The following KHDRBS2 variants were observed in gnomAD, a reference collection of about 807,000 sequenced individuals.
KHDRBS2 encodes the protein KH RNA binding domain containing, signal transduction associated 2, also known as KH domain-containing, RNA-binding, signal transduction-associated protein 2.
KHDRBS2 carries 26 observed loss-of-function variants against 44.3 expected under a neutral mutation model. The observed-to-expected ratio is 0.59, with a 90% CI of 0.43 to 0.81. The LOEUF (loss-of-function observed/expected upper bound fraction) is 0.81, where lower values mean the gene tolerates loss of function less well. Among genes scored for constraint, KHDRBS2 ranks in the 40% least tolerant of loss-of-function variants. The probability of loss-of-function intolerance (pLI) is 0.00; values close to 1 mark genes in which losing one functional copy is unlikely to be tolerated. For synonymous variants in KHDRBS2, 194 were observed against 151.1 expected (o/e 1.28, Z -2.08); for missense variants, 476 against 433.1 (o/e 1.10, Z -0.88).
At chr6:62,173,259 T>C (rs1406556871) in intron 2 of KHDRBS2, among the ~76,000 whole-genome samples, 1 of 151,212 alleles carries the variant, frequency 6.6e-6, no homozygotes, top group Non-Finnish European at 1.5e-5. Context: ...GTTACCACTT[T>C]AGGGATCCCA....
At chr6:61,828,972 G>T (rs1791359361) in intron 6 of KHDRBS2, among the ~76,000 whole-genome samples, 1 of 152,146 alleles carries the variant, frequency 6.6e-6, no homozygotes, top group East Asian at 1.9e-4. Context: ...ATTTACTCTG[G>T]AAACCACTAA....
intron 6 of KHDRBS2, among the ~76,000 whole-genome samples, chr6:61,751,310 AT>A (rs1395995876): frequency 6.6e-6 from 1 of 152,178 alleles, no homozygotes; most frequent in Non-Finnish European, 1.5e-5. Context: ...ATATCTTCAC[AT>A]TTGTAATCAT....
chr6:61,811,131 C>A (rs1323012175), intron 6 of KHDRBS2, among the ~76,000 whole-genome samples: 3 of 152,006 alleles, frequency 2.0e-5, no homozygotes, highest in South Asian at 4.2e-4. Flanking sequence ...TTGGAGTCTC[C>A]AATGTCTATT....
intron 6 of KHDRBS2, among the ~76,000 whole-genome samples, chr6:61,763,914 T>C (rs540928938): frequency 6.1e-4 from 93 of 152,280 alleles, no homozygotes; most frequent in Admixed American, 2.2e-3. Flanking sequence ...GCTGCACCTA[T>C]CAACACCCAT....
rs202180363 is a variant in KHDRBS2 at position 61,954,722 on chromosome 6, T to C, written c.483+23344A>G. ...CATATGTGTATATACACATGCATAC[T>C]TATGTATACATACATATGTGTATAT... On this transcript the variant is annotated intron_variant, in intron 4 of 8. Coordinates refer to ENST00000281156, the MANE Select transcript of KHDRBS2 (RefSeq NM_152688.4). Among the ~76,000 whole-genome samples, 272 of 75,574 alleles carry C rather than the reference T, an allele frequency of 3.6e-3. 88 individuals are homozygous for C. The highest frequency in any genetic ancestry group is 9.0e-3 in the African/African-American group (192 of 21,418). The allele number at this position is 75,574 out of a possible 152,430, so 49.6% of individuals were successfully genotyped here. A position where few individuals can be genotyped will look rare whatever the true frequency, so the allele number is the denominator to read the frequency against.
At chr6:61,752,812 T>G (rs942418967) in intron 6 of KHDRBS2, among the ~76,000 whole-genome samples, 11 of 151,734 alleles carry the variant, frequency 7.2e-5, no homozygotes, top group Admixed American at 5.3e-4. Context: ...ATAAATACTA[T>G]AGAAAAAATG....
intron 8 of KHDRBS2, 95 bp from the exon 9 acceptor site, chr6:61,681,155 A>G: frequency 3.6e-6 from 3 of 824,014 alleles, no homozygotes; most frequent in Non-Finnish European, 6.0e-6. Flanking sequence ...AAAAGAAAAC[A>G]AAAGATCTCA....
the KHDRBS2 span, chr6:61,658,980 G>A: frequency 1.1e-4 from 16 of 151,776 alleles, no homozygotes; most frequent in South Asian, 6.2e-4. Context: ...TTATACAGTC[G>A]TGGAACAAAT....
At chr6:62,027,856 G>A (rs74513351) in intron 3 of KHDRBS2, among the ~76,000 whole-genome samples, 1 of 152,062 alleles carries the variant, frequency 6.6e-6, no homozygotes, top group South Asian at 2.1e-4. Context: ...TGCTGTTCCT[G>A]AGATTTACCC....
the KHDRBS2 span, among the ~76,000 whole-genome samples, chr6:61,547,826 GCAT>G: frequency 1.3e-5 from 2 of 152,090 alleles, no homozygotes; most frequent in Non-Finnish European, 2.9e-5. Context: ...CATTTTATAT[GCAT>G]TCTTCTTCCC....
At chr6:62,052,578 G>A (rs959631090) in intron 2 of KHDRBS2, among the ~76,000 whole-genome samples, 28 of 118,132 alleles carry the variant, frequency 2.4e-4, no homozygotes, top group African/African-American at 7.7e-4. Context: ...GACCAGTTGC[G>A]TGGAAGACAA....
At chr6:61,794,647 G>T (rs1785063519) in intron 6 of KHDRBS2, among the ~76,000 whole-genome samples, 1 of 152,062 alleles carries the variant, frequency 6.6e-6, no homozygotes, top group Non-Finnish European at 1.5e-5. Flanking sequence ...TGGAAGCTCT[G>T]CAAATTAGGA....
At chr6:62,035,687 G>A (rs192106036) in intron 3 of KHDRBS2, among the ~76,000 whole-genome samples, 160 of 152,038 alleles carry the variant, frequency 1.1e-3, no homozygotes, top group East Asian at 4.9e-3. Flanking sequence ...TGCCTTAGGC[G>A]ATGGATACCC....
At position 61,818,266 on chromosome 6, in the gene KHDRBS2, T is replaced by TAAAAAAAAAAAAAA. The variant is rs60399147; in HGVS notation, c.810+76355_810+76368dup. 1.1e-3 allele frequency among the ~76,000 whole-genome samples: 128 copies of TAAAAAAAAAAAAAA among 114,392 alleles called. 2 individuals carry two copies. Among genetic ancestry groups the TAAAAAAAAAAAAAA allele is most frequent in the African/African-American group, 3.8e-3 (120 of 31,818 alleles). 75.0% of individuals were successfully genotyped at this position (114,392 alleles called of 152,430 possible). ...ATTGGGCAGAGAAAACCTCTGTAAG[T>TAAAAAAAAAAAAAA]AAAAAAAAAAAAAAAAAGGATAGTA... is the stretch of plus-strand genomic sequence containing the variant. On this transcript the variant is annotated intron_variant, in intron 6 of 8. Transcript: ENST00000281156.
chr6:61,577,021 C>G, the KHDRBS2 span, among the ~76,000 whole-genome samples: 1 of 152,122 alleles, frequency 6.6e-6, no homozygotes, highest in Admixed American at 6.5e-5. Flanking sequence ...TAAGTCCAGT[C>G]TCTTTTACTG....
the KHDRBS2 span, among the ~76,000 whole-genome samples, chr6:61,545,165 G>T: frequency 6.6e-6 from 1 of 152,034 alleles, no homozygotes; most frequent in African/African-American, 2.4e-5. Context: ...GATAATTGGG[G>T]CTGGGCATGG....
intron 4 of KHDRBS2, among the ~76,000 whole-genome samples, chr6:61,946,295 A>T (rs796285695): frequency 6.6e-6 from 1 of 152,228 alleles, no homozygotes. Context: ...AAAGAATAGC[A>T]TGTATTTAAC....
chr6:62,274,891 C>T (rs1840666963), intron 1 of KHDRBS2, among the ~76,000 whole-genome samples: 2 of 151,982 alleles, frequency 1.3e-5, no homozygotes, highest in Admixed American at 1.3e-4. Flanking sequence ...CTCTTTGATT[C>T]CCAATTAACG....
At chr6:62,141,656 G>A (rs1211467243) in intron 2 of KHDRBS2, among the ~76,000 whole-genome samples, 5 of 151,806 alleles carry the variant, frequency 3.3e-5, no homozygotes, top group African/African-American at 7.3e-5. Flanking sequence ...TTTTATAGTC[G>A]GTCTTGATAT....
Sources: gnomAD v4.1 joint callset for allele counts (sites outside exome capture counted in the v4.1 genomes callset) on GRCh38, gnomAD v4.1.1 for gene constraint, MANE v1.5 for transcripts, NCBI Gene and HGNC (gene_info 2026-07-23, HGNC 2026-07-21) for gene names.